The following RARS2 variants were observed in gnomAD, a reference collection of about 807,000 sequenced individuals.
RARS2 encodes the protein arginyl-tRNA synthetase 2, mitochondrial.
In RARS2, 67 loss-of-function variants were observed where a neutral mutation model predicts 88.5. The observed-to-expected ratio is 0.76, with a 90% CI of 0.62 to 0.93. The LOEUF (loss-of-function observed/expected upper bound fraction) is 0.93. RARS2 is among the 40% of genes least tolerant of loss of function. The pLI is 0.00. For synonymous variants in RARS2, 239 were observed against 230.3 expected, an observed-to-expected ratio of 1.04 and a Z score of -0.34; for missense variants, 664 against 684.2, an observed-to-expected ratio of 0.97 and a Z score of 0.33.
At chr6:87,540,563 A>G (rs987117100) in intron 8 of RARS2, among the ~76,000 whole-genome samples, 1 of 152,090 alleles carries the variant, frequency 6.6e-6, no homozygotes, top group African/African-American at 2.4e-5. Context: ...CTGTGGCTTA[A>G]GCTGGAGAAG....
At chr6:87,570,805 C>T (rs117651546) in intron 1 of RARS2, among the ~76,000 whole-genome samples, 3,512 of 152,206 alleles carry the variant, frequency 0.023, 54 homozygotes, top group Non-Finnish European at 0.038. Context: ...CTCCCACCTC[C>T]GCCCCTCAAA....
At chr6:87,543,454 G>A (rs1781661066) in intron 7 of RARS2, among the ~76,000 whole-genome samples, 1 of 150,422 alleles carries the variant, frequency 6.6e-6, no homozygotes, top group Admixed American at 6.6e-5. Flanking sequence ...CCAGCCTGAT[G>A]AACATGGCAA....
intron 1 of RARS2, among the ~76,000 whole-genome samples, chr6:87,572,948 T>C (rs781288501): frequency 1.3e-5 from 2 of 152,116 alleles, no homozygotes; most frequent in African/African-American, 2.4e-5. Flanking sequence ...ACTCAGTAAA[T>C]AGCAGGAATG....
At chr6:87,522,245 G>A (rs964241564) in intron 11 of RARS2, among the ~76,000 whole-genome samples, 2 of 150,318 alleles carry the variant, frequency 1.3e-5, no homozygotes, top group Middle Eastern at 3.4e-3. Flanking sequence ...CAGGAGAATC[G>A]CTTGAACCTA....
At chr6:87,570,471 T>C (rs1331987898) in intron 1 of RARS2, among the ~76,000 whole-genome samples, 1 of 152,030 alleles carries the variant, frequency 6.6e-6, no homozygotes, top group Non-Finnish European at 1.5e-5. Flanking sequence ...CAGGCTGGAG[T>C]ACAGTGACGT....
intron 7 of RARS2, among the ~76,000 whole-genome samples, chr6:87,545,117 G>C (rs1242840362): frequency 6.6e-6 from 1 of 152,170 alleles, no homozygotes; most frequent in Non-Finnish European, 1.5e-5. Flanking sequence ...TTTCTTTCTT[G>C]AGACAAGGTC....
Position 87,518,281 on chromosome 6 carries a change from A to G in RARS2, c.1416-17T>C. 1 of 1,614,126 alleles carries G rather than the reference A, an allele frequency of 6.2e-7. No homozygotes were observed. The highest frequency in any genetic ancestry group is 1.3e-5 in the African/African-American group (1 of 75,068). On this transcript the variant is annotated splice_polypyrimidine_tract_variant and intron_variant, in intron 16 of 19. Transcript: ENST00000369536. ...TCTTCCAAACTTATCAAAAGTTTAA[A>G]GTTAAAAACATCAAAAGATTAAAAA...
In RARS2 at chr6:87,586,828, T is replaced by C. The variant is rs562008760; in HGVS notation, c.36+3094A>G. Among the ~76,000 whole-genome samples, 13 of 152,324 alleles carry C rather than the reference T, an allele frequency of 8.5e-5. No individual in the cohort carries two copies. The South Asian group carries it at 2.1e-3, about 24-fold the overall frequency. ...TTGAATTTTTTCAGATTTTGGAATA[T>C]TGGCTTTATACTTACCTGTTGAGCA... is the stretch of plus-strand genomic sequence containing the variant. On this transcript the variant is annotated intron_variant, in intron 1 of 19. Transcript: ENST00000369536.
intron 4 of RARS2, among the ~76,000 whole-genome samples, chr6:87,558,254 G>T (rs949222048): frequency 2.0e-5 from 3 of 151,454 alleles, no homozygotes; most frequent in Non-Finnish European, 4.4e-5. Flanking sequence ...TGCTTTTCAG[G>T]CATTTCACAG....
chr6:87,582,709 T>C (rs1213164330), intron 1 of RARS2, among the ~76,000 whole-genome samples: 1 of 152,204 alleles, frequency 6.6e-6, no homozygotes, highest in Non-Finnish European at 1.5e-5. Context: ...TTAATGTGGA[T>C]GAATATCTGC....
At position 87,530,855 on chromosome 6, in the gene RARS2, C is replaced by T. The variant is rs1224556490; in HGVS notation, c.700G>A (p.Asp234Asn). 13 of 1,614,210 alleles carry T rather than the reference C, an allele frequency of 8.1e-6. No homozygotes were observed. Among genetic ancestry groups the T allele is most frequent in the Middle Eastern group, 1.6e-4 (1 of 6,062 alleles). The change falls in exon 9 of 20, where the codon GAT becomes AAT. Residue 234 changes from aspartate to asparagine, a missense_variant. Physicochemically the swap from Asp to Asn is conservative, Grantham distance 23 (BLOSUM62 1). Coordinates refer to ENST00000369536, the MANE Select transcript of RARS2 (RefSeq NM_020320.5). ...TGCCACAGTGAAAGTGCTTGCACAT[C>T]GCCCAGTTCCAATCGTTGGAAGAAC... ...QEFFQRLELG[D>N]VQALSLWQKF...
chr6:87,583,305 C>T (rs532117837), intron 1 of RARS2, among the ~76,000 whole-genome samples: 1 of 152,248 alleles, frequency 6.6e-6, no homozygotes, highest in African/African-American at 2.4e-5. Context: ...AATGAACTAG[C>T]TGAGCCAGGA....
Position 87,542,001 on chromosome 6 carries a change from T to A in RARS2, c.536-7A>T. 6.2e-6 allele frequency: 10 copies of A among 1,608,272 alleles called. No individual in the cohort carries two copies. Among genetic ancestry groups the A allele is most frequent in the Non-Finnish European group, 8.5e-6 (10 of 1,175,090 alleles). On this transcript the variant is annotated splice_polypyrimidine_tract_variant and splice_region_variant and intron_variant, in intron 7 of 19. Transcript: ENST00000369536. ...AAGCCAGTTCCCAGAAGACCTACCATGATAATCCGTAAATGAAAAATTATA... is the reference window on the plus strand; with the variant it reads ...AAGCCAGTTCCCAGAAGACCTACCAAGATAATCCGTAAATGAAAAATTATA...
rs1291451530 is a variant in RARS2 at position 87,589,777 on chromosome 6, C to A, written c.36+145G>T. ...CAGGACTTCTGAAGCTCCACCAGCTCCAGAGAAGGGGGAGGAGGTGGTAGA... is the reference window on the plus strand; with the variant it reads ...CAGGACTTCTGAAGCTCCACCAGCTACAGAGAAGGGGGAGGAGGTGGTAGA... On this transcript the variant is annotated intron_variant, in intron 1 of 19. Transcript: ENST00000369536. 3 of 1,582,860 alleles carry A rather than the reference C, an allele frequency of 1.9e-6. No individual in the cohort carries two copies. The Admixed American group carries it at 5.5e-5, about 29-fold the overall frequency.
chr6:87,525,178 A>AC (rs1192339859), intron 10 of RARS2, among the ~76,000 whole-genome samples: 6 of 152,326 alleles, frequency 3.9e-5, no homozygotes, highest in Non-Finnish European at 8.8e-5. Context: ...TACAAATATG[A>AC]CAGGAGAAAG....
intron 8 of RARS2, among the ~76,000 whole-genome samples, chr6:87,539,827 C>T (rs566986086): frequency 7.2e-5 from 11 of 152,186 alleles, no homozygotes; most frequent in East Asian, 5.8e-4. Flanking sequence ...TTTGTGGCAC[C>T]GGGGAACAAG....
chr6:87,541,924 G>A lies in RARS2; in HGVS notation c.606C>T (p.Leu202=), dbSNP rs75794097. 3,636 of 1,612,226 alleles carry A rather than the reference G, an allele frequency of 2.3e-3. 47 individuals are homozygous for A. The African/African-American group carries it at 0.033, about 15-fold the overall frequency. ...TGTTTTCTTGCCAACTTACTTCAAAGAGATGCTGTAGAGGATTGGACTGCA... is the reference window on the plus strand; with the variant it reads ...TGTTTTCTTGCCAACTTACTTCAAAAAGATGCTGTAGAGGATTGGACTGCA... ...EKLQSNPLQH[L]FEVYVQVNKE... Residue 202 remains leucine (L), a synonymous_variant, in exon 8 of 20, where the codon CTC becomes CTT. Transcript: ENST00000369536.
intron 1 of RARS2, among the ~76,000 whole-genome samples, chr6:87,587,963 G>A (rs755398855): frequency 3.9e-5 from 6 of 152,010 alleles, no homozygotes; most frequent in Non-Finnish European, 7.4e-5. Flanking sequence ...TATAGAGATG[G>A]GGGTCTCCCT....
chr6:87,564,525 C>G (rs1042010572), intron 2 of RARS2: 1 of 387,172 alleles, frequency 2.6e-6, no homozygotes, highest in Non-Finnish European at 4.9e-6. Flanking sequence ...AAAAATTAGC[C>G]AGGCATGGTG....
Sources: gnomAD v4.1 joint callset for allele counts (sites outside exome capture counted in the v4.1 genomes callset) on GRCh38, gnomAD v4.1.1 for gene constraint, MANE v1.5 for transcripts, NCBI Gene and HGNC (gene_info 2026-07-23, HGNC 2026-07-21) for gene names.